Variants in MLLT3 observed in about 807,000 individuals in gnomAD.
The protein encoded by MLLT3 is MLLT3 super elongation complex subunit, also known as protein AF-9.
In MLLT3, 4 loss-of-function variants were observed where a neutral mutation model predicts 53.2. The observed-to-expected ratio is 0.08, with a 90% CI of 0.04 to 0.17. The LOEUF is 0.17. Ranked by LOEUF, MLLT3 falls within the 10% of genes least tolerant of loss-of-function variation. MLLT3 has a pLI of 1.00. For synonymous variants in MLLT3, 283 were observed against 230.6 expected, an observed-to-expected ratio of 1.23 and a Z score of -2.06; for missense variants, 569 against 684.0, an observed-to-expected ratio of 0.83 and a Z score of 1.87.
At chr9:20,589,200 G>A (rs1820059421) in intron 2 of MLLT3, among the ~76,000 whole-genome samples, 1 of 150,576 alleles carries the variant, frequency 6.6e-6, no homozygotes. Context: ...GTCCAACAAT[G>A]ATAGACTGGA....
chr9:20,588,550 T>C (rs984456052), intron 2 of MLLT3, among the ~76,000 whole-genome samples: 1 of 152,136 alleles, frequency 6.6e-6, no homozygotes, highest in Non-Finnish European at 1.5e-5. Context: ...CTTGAAGAGG[T>C]CCTTCACATC....
intron 7 of MLLT3, chr9:20,362,767 A>C (rs1821358624): frequency 7.0e-6 from 1 of 143,884 alleles, no homozygotes; most frequent in Non-Finnish European, 1.5e-5. Context: ...GATAACAGGG[A>C]AAGATTTAAT....
At chr9:20,514,521 T>A (rs1817854484) in intron 2 of MLLT3, among the ~76,000 whole-genome samples, 1 of 152,094 alleles carries the variant, frequency 6.6e-6, no homozygotes. Flanking sequence ...TTTTTATTTT[T>A]TTTTTGGTGG....
intron 2 of MLLT3, among the ~76,000 whole-genome samples, chr9:20,572,372 C>A (rs575764916): frequency 6.6e-6 from 1 of 152,146 alleles, no homozygotes; most frequent in Non-Finnish European, 1.5e-5. Context: ...TTCTTGCCAT[C>A]TCAAAATGGT....
At chr9:20,584,934 A>G (rs1224457372) in intron 2 of MLLT3, among the ~76,000 whole-genome samples, 1 of 152,214 alleles carries the variant, frequency 6.6e-6, no homozygotes, top group East Asian at 1.9e-4. Flanking sequence ...GATTGCTTCA[A>G]ATTTTGGGCA....
At chr9:20,391,577 C>T (rs1822180609) in intron 5 of MLLT3, among the ~76,000 whole-genome samples, 1 of 152,150 alleles carries the variant, frequency 6.6e-6, no homozygotes, top group Non-Finnish European at 1.5e-5. Flanking sequence ...TCTCATCTCA[C>T]CTATCCATCT....
chr9:20,350,607 A>G (rs931079323), intron 10 of MLLT3, among the ~76,000 whole-genome samples: 9 of 151,580 alleles, frequency 5.9e-5, no homozygotes, highest in South Asian at 2.1e-4. Context: ...AAAAAGAAAG[A>G]AAGAAAAACA....
At chr9:20,551,113 C>A (rs1017534806) in intron 2 of MLLT3, among the ~76,000 whole-genome samples, 4 of 152,194 alleles carry the variant, frequency 2.6e-5, no homozygotes, top group Admixed American at 2.6e-4. Context: ...AAATACTCAT[C>A]GTGAAAATCA....
intron 4 of MLLT3, among the ~76,000 whole-genome samples, chr9:20,429,047 C>T (rs572733291): frequency 1.3e-5 from 2 of 152,152 alleles, no homozygotes; most frequent in African/African-American, 2.4e-5. Context: ...ATAATTTTAA[C>T]GTTAAAGAAA....
chr9:20,600,543 C>T (rs1820395804), intron 2 of MLLT3, among the ~76,000 whole-genome samples: 1 of 152,168 alleles, frequency 6.6e-6, no homozygotes. Flanking sequence ...TAACAGCAAT[C>T]CAAATGTTTC....
rs191786312 is a variant in MLLT3, at chr9:20,613,824, G to C, written c.193+6830C>G. 3.2e-3 allele frequency among the ~76,000 whole-genome samples: 480 copies of C among 152,166 alleles called. 5 individuals are homozygous for C. Among genetic ancestry groups the C allele is most frequent in the Non-Finnish European group, 3.4e-3 (233 of 67,980 alleles). On this transcript the variant is annotated intron_variant, in intron 2 of 10. Transcript: ENST00000380338. ...ACTGGGACAATCTTTTTGGAGGAAA[G>C]TTTGGTAATATATAACAAAATTTTA... is the stretch of plus-strand genomic sequence containing the variant.
chr9:20,613,069 T>C (rs1054746587), intron 2 of MLLT3, among the ~76,000 whole-genome samples: 1 of 152,124 alleles, frequency 6.6e-6, no homozygotes, highest in Non-Finnish European at 1.5e-5. Context: ...ATTCCCATGA[T>C]GAAATACTAA....
intron 2 of MLLT3, among the ~76,000 whole-genome samples, chr9:20,615,488 C>T (rs946060669): frequency 1.3e-5 from 2 of 150,030 alleles, no homozygotes; most frequent in Admixed American, 1.3e-4. Context: ...GGTAATCATT[C>T]ACCGGAATTT....
chr9:20,431,378 A>G (rs942245598), intron 4 of MLLT3, among the ~76,000 whole-genome samples: 5 of 152,132 alleles, frequency 3.3e-5, no homozygotes, highest in African/African-American at 1.2e-4. Flanking sequence ...CATGTACCCT[A>G]GAGTTTGGGA....
rs1480291266 is a variant in MLLT3 at position 20,365,672 on chromosome 9, G to C, written c.1198C>G (p.Gln400Glu). 1.1e-5 allele frequency: 17 copies of C among 1,614,088 alleles called. No homozygotes were observed. Among genetic ancestry groups the C allele is most frequent in the African/African-American group, 2.7e-5 (2 of 74,940 alleles). Residue 400 changes from glutamine (Q) to glutamate (E), a missense_variant, in exon 6 of 11, where the codon CAA becomes GAA. Gln to Glu is a conservative substitution (Grantham distance 29). Coordinates refer to ENST00000380338, the MANE Select transcript of MLLT3 (RefSeq NM_004529.4). Reference protein sequence around the residue: ...SSFTPSQTRQQGPLRSIMKDL... With the variant: ...SSFTPSQTRQEGPLRSIMKDL... ...AGTTTGCATGAGATGTTGATACCTTGTTGCCTGGTCTGGGATGGTGTGAAG... is the reference window on the plus strand; with the variant it reads ...AGTTTGCATGAGATGTTGATACCTTCTTGCCTGGTCTGGGATGGTGTGAAG...
At chr9:20,573,188 GTT>G (rs59285839) in intron 2 of MLLT3, among the ~76,000 whole-genome samples, 1 of 141,706 alleles carries the variant, frequency 7.1e-6, no homozygotes, top group Non-Finnish European at 1.5e-5. Context: ...TTTTTGTTTT[GTT>G]TTTTTTTTTT....
intron 2 of MLLT3, among the ~76,000 whole-genome samples, chr9:20,571,677 G>A (rs1263963669): frequency 1.3e-5 from 2 of 152,098 alleles, no homozygotes; most frequent in African/African-American, 4.8e-5. Context: ...ACTTATGAGT[G>A]AGAACATGCA....
At chr9:20,483,865 G>T (rs1052959722) in intron 2 of MLLT3, among the ~76,000 whole-genome samples, 1 of 104,152 alleles carries the variant, frequency 9.6e-6, no homozygotes, top group Non-Finnish European at 1.9e-5. Flanking sequence ...CCAGCACCAC[G>T]CAAGTCTAAT....
chr9:20,432,643 GA>G (rs200357415), intron 4 of MLLT3, among the ~76,000 whole-genome samples: 2,604 of 147,250 alleles, frequency 0.018, 76 homozygotes, highest in African/African-American at 0.065. Flanking sequence ...ACCAAGGCTG[GA>G]AAAAAAATCG....
Sources: gnomAD v4.1 joint callset for allele counts (sites outside exome capture counted in the v4.1 genomes callset) on GRCh38, gnomAD v4.1.1 for gene constraint, MANE v1.5 for transcripts, NCBI Gene and HGNC (gene_info 2026-07-23, HGNC 2026-07-21) for gene names.